Variants in TRAK2 observed in about 807,000 individuals in gnomAD.
TRAK2 encodes the protein trafficking kinesin-binding protein 2.
TRAK2 carries 81 observed loss-of-function variants against 104.6 expected under a neutral mutation model. That is an observed-to-expected ratio of 0.77 (90% CI 0.65 to 0.93). The LOEUF (loss-of-function observed/expected upper bound fraction) is 0.93. Among genes scored for constraint, TRAK2 ranks in the 40% least tolerant of loss-of-function variants. The probability of loss-of-function intolerance (pLI) is 0.00; values close to 1 mark genes in which losing one functional copy is unlikely to be tolerated. For missense variants in TRAK2, 1,002 were observed against 1,089.0 expected (o/e 0.92, Z 1.12); for synonymous variants, 406 against 394.4 (o/e 1.03, Z -0.35).
chr2:201,428,107 AT>A (rs1275633893), intron 1 of TRAK2, among the ~76,000 whole-genome samples: 1 of 151,736 alleles, frequency 6.6e-6, no homozygotes, highest in Non-Finnish European at 1.5e-5. Context: ...ACGCTCTCCC[AT>A]TTTGTAGGTT....
intron 8 of TRAK2, chr2:201,395,104 A>T (rs1951489247): frequency 6.5e-6 from 4 of 611,930 alleles, no homozygotes; most frequent in Non-Finnish European, 8.3e-6. Flanking sequence ...GGAAGCACTA[A>T]CCCCATTTTA....
chr2:201,439,726 C>T (rs567444231), intron 1 of TRAK2, among the ~76,000 whole-genome samples: 1 of 147,480 alleles, frequency 6.8e-6, no homozygotes, highest in African/African-American at 2.5e-5. Context: ...AAATGTGGCA[C>T]ATATACACCA....
At chr2:201,426,025 TTA>T (rs1356267857) in intron 1 of TRAK2, among the ~76,000 whole-genome samples, 3 of 152,222 alleles carry the variant, frequency 2.0e-5, no homozygotes, top group Admixed American at 6.5e-5. Context: ...CACAAAAATT[TTA>T]TATGTTTCGC....
rs199509240 is a variant in TRAK2 at position 201,380,871 on chromosome 2, C to T, written c.2417G>A (p.Arg806Gln). ...CTCCTGGAGGAATGTCTCAGCTGGT[C>T]GAGAGGCCAAAAAATTTTCAGAGAG... ...VHLSENFLAS[R>Q]PAETFLQEMY... Residue 806 changes from arginine (R) to glutamine (Q), a missense_variant, in exon 16 of 16, where the codon CGA becomes CAA. By Grantham distance (43) the Arg-to-Gln change is conservative. Transcript: ENST00000332624. The T allele has an allele frequency of 4.0e-5, 65 of 1,613,788 alleles. 1 individual carries two copies. In the South Asian group the frequency reaches 5.6e-4, roughly 14 times the overall value.
At chr2:201,399,886 G>A (rs1405619880) in intron 4 of TRAK2, among the ~76,000 whole-genome samples, 1 of 152,022 alleles carries the variant, frequency 6.6e-6, no homozygotes, top group Non-Finnish European at 1.5e-5. Context: ...GAAAGCAATT[G>A]TGTATCAAGC....
At chr2:201,420,836 T>C (rs1951734726) in intron 1 of TRAK2, 130 bp from the exon 2 acceptor site, 1 of 192,736 alleles carries the variant, frequency 5.2e-6, no homozygotes, top group African/African-American at 2.3e-5. Context: ...CTCATAATTA[T>C]GCTGGAAGAA....
At chr2:201,385,568 C>A in intron 14 of TRAK2, among the ~76,000 whole-genome samples, 1 of 152,186 alleles carries the variant, frequency 6.6e-6, no homozygotes. Context: ...GAAACTACTA[C>A]TTACCTAGTT....
chr2:201,385,341 A>T (rs1003852908), intron 14 of TRAK2, among the ~76,000 whole-genome samples: 29 of 144,176 alleles, frequency 2.0e-4, no homozygotes, highest in Non-Finnish European at 3.5e-4. Context: ...ATTTAATTTA[A>T]TTTTTTTTTT....
chr2:201,398,503 T>C (rs1951521927), intron 5 of TRAK2, 149 bp from the exon 6 acceptor site: 1 of 704,044 alleles, frequency 1.4e-6, no homozygotes, highest in Non-Finnish European at 2.3e-6. Flanking sequence ...CAACAAGTAC[T>C]AAAAAGAGAA....
At position 201,435,009 on chromosome 2, in the gene TRAK2, C is replaced by T. The variant is rs569988770; in HGVS notation, c.-199-14303G>A. Among the ~76,000 whole-genome samples, 40 of 152,228 alleles carry T rather than the reference C, an allele frequency of 2.6e-4. No individual in the cohort carries two copies. The South Asian group carries it at 7.7e-3, about 29-fold the overall frequency. ...TAGCTCAAAAATACTAAAAGTAAAACTCAAACAGGTAGACTTCAGTCTCAC... is the reference window on the plus strand; with the variant it reads ...TAGCTCAAAAATACTAAAAGTAAAATTCAAACAGGTAGACTTCAGTCTCAC... On this transcript the variant is annotated intron_variant, in intron 1 of 15. Transcript: ENST00000332624.
Position 201,380,831 on chromosome 2 carries a change from T to C in TRAK2, c.2457A>G (p.Arg819=). 6.2e-7 allele frequency: 1 copy of C among 1,613,712 alleles called. No individual in the cohort carries two copies. The highest frequency in any genetic ancestry group is 1.3e-5 in the African/African-American group (1 of 74,894). ...ETFLQEMYGL[R]PSRNPPDVGQ... Reference sequence around the variant, plus strand: ...CAACATCAGGAGGGTTCCGGGAGGGTCTCAAGCCATACATCTCCTGGAGGA... The same window carrying C: ...CAACATCAGGAGGGTTCCGGGAGGGCCTCAAGCCATACATCTCCTGGAGGA... The change falls in exon 16 of 16, where the codon AGA becomes AGG. Residue 819 remains arginine (R), a synonymous_variant. Coordinates refer to ENST00000332624, the MANE Select transcript of TRAK2 (RefSeq NM_015049.3).
In TRAK2 at chr2:201,386,222, A is replaced by G. The variant is rs1449736125; in HGVS notation, c.1959T>C (p.Val653=). 4.3e-6 allele frequency: 7 copies of G among 1,614,122 alleles called. No homozygotes were observed. The highest frequency in any genetic ancestry group is 1.6e-4 in the Middle Eastern group (1 of 6,062). The change falls in exon 14 of 16, where the codon GTT becomes GTC. Residue 653 remains valine (V), a synonymous_variant. Coordinates refer to ENST00000332624, the MANE Select transcript of TRAK2 (RefSeq NM_015049.3). ...LPPITSAGGP[V]TVATANPGKC... ...TCAACCAGACACTCTTCTCACCTGT[A>G]ACTGGTCCACCTGCTGAAGTAATGG... is the stretch of plus-strand genomic sequence containing the variant.
chr2:201,395,434 A>G lies in TRAK2; in HGVS notation c.780T>C (p.Asn260=), dbSNP rs1372759083. The G allele has an allele frequency of 6.5e-7, 1 of 1,536,330 alleles. No individual in the cohort carries two copies. The highest frequency in any genetic ancestry group is 2.3e-5 in the East Asian group (1 of 43,788). Residue 260 remains asparagine (N), a synonymous_variant, in exon 8 of 16, where the codon AAT becomes AAC. Coordinates refer to ENST00000332624, the MANE Select transcript of TRAK2 (RefSeq NM_015049.3). ...SDCVKELRET[N]AQMSRMTEEL... ...CTTCAGTCATTCTGGACATCTGAGC[A>G]TTTGTTTCACCTTGGAAGCAAAAAA...
chr2:201,424,346 C>T (rs186470735), intron 1 of TRAK2, among the ~76,000 whole-genome samples: 2 of 152,172 alleles, frequency 1.3e-5, no homozygotes, highest in East Asian at 1.9e-4. Flanking sequence ...TTCTAACACT[C>T]CAAAGACCTA....
chr2:201,407,315 C>A (rs1576518529), intron 3 of TRAK2, 88 bp downstream of exon 3: 1 of 1,159,706 alleles, frequency 8.6e-7, no homozygotes, highest in Non-Finnish European at 1.2e-6. Flanking sequence ...ACAATGGCTA[C>A]TAAACATCAG....
At chr2:201,441,714 CAG>C (rs1951925425) in intron 1 of TRAK2, among the ~76,000 whole-genome samples, 2 of 149,754 alleles carry the variant, frequency 1.3e-5, no homozygotes, top group African/African-American at 2.5e-5. Flanking sequence ...TCCCCCGAGA[CAG>C]AGTCTTGCTC....
chr2:201,411,316 G>A (rs1201637161), intron 2 of TRAK2: 1 of 757,386 alleles, frequency 1.3e-6, no homozygotes. Flanking sequence ...GCTCTTTTAT[G>A]TTTATTCTGA....
rs182971492 is a variant in TRAK2, at chr2:201,425,077, T to C, written c.-199-4371A>G. Among the ~76,000 whole-genome samples, 882 of 152,344 alleles carry C rather than the reference T, an allele frequency of 5.8e-3. 4 individuals are homozygous for C. The highest frequency in any genetic ancestry group is 9.3e-3 in the Non-Finnish European group (632 of 68,038). On this transcript the variant is annotated intron_variant, in intron 1 of 15. Coordinates refer to ENST00000332624, the MANE Select transcript of TRAK2 (RefSeq NM_015049.3). ...GCCACACTTACTTAAGTATTGTCAA[T>C]TGGTTGCTTTCATGCTACAACAGCA...
chr2:201,382,804 C>T (rs1381411135), intron 15 of TRAK2, among the ~76,000 whole-genome samples: 1 of 152,132 alleles, frequency 6.6e-6, no homozygotes, highest in Admixed American at 6.5e-5. Context: ...ACACTGGCAG[C>T]TAGAAAGTTA....
Sources: allele counts gnomAD v4.1 joint callset (sites outside exome capture counted in the v4.1 genomes callset), GRCh38; gene constraint gnomAD v4.1.1; transcripts MANE v1.5; gene names NCBI Gene and HGNC (gene_info 2026-07-23, HGNC 2026-07-21).